CLIC5: variants seen among roughly 807,000 people sequenced by gnomAD.
CLIC5 encodes the protein chloride intracellular channel protein 5.
A neutral mutation model predicts 24.7 loss-of-function variants in CLIC5; 20 were observed. That is an observed-to-expected ratio of 0.81 (90% confidence interval 0.57 to 1.18). The LOEUF is 1.18. Among genes scored for constraint, CLIC5 ranks in the 50% most tolerant of loss-of-function variants. The pLI is 0.00. For missense variants in CLIC5, 341 were observed against 326.1 expected (o/e 1.05, Z -0.35); for synonymous variants, 159 against 135.6 (o/e 1.17, Z -1.20).
At chr6:45,881,979 TA>T (rs5875939) in intron 6 of CLIC5, among the ~76,000 whole-genome samples, 144,210 of 148,324 alleles carry the variant, frequency 0.97, 70,144 homozygotes, top group Non-Finnish European at 0.99. Flanking sequence ...AGACTTCCTT[TA>T]AAAAAAAAAA....
In CLIC5 at chr6:45,885,713, G is replaced by A. The variant is rs765202839; in HGVS notation, c.624-4525C>T. Among the ~76,000 whole-genome samples the A allele has an allele frequency of 9.9e-4, 151 of 152,224 alleles. 2 individuals carry two copies. The highest frequency in any genetic ancestry group is 5.9e-4 in the Admixed American group (9 of 15,292). On this transcript the variant is annotated intron_variant, in intron 6 of 6. Transcript: ENST00000644324. ...TGAAACAAAGTCGTAGAGACCTTGG[G>A]AGAAAGTGGCCCTCTCATTCTGGAG...
intron 1 of CLIC5, among the ~76,000 whole-genome samples, chr6:46,074,562 C>T (rs748960901): frequency 6.6e-5 from 10 of 152,190 alleles, no homozygotes; most frequent in Admixed American, 6.5e-4. Flanking sequence ...CAGTGCACAA[C>T]CTGTGCATCC....
At chr6:45,956,795 T>C (rs1764659552) in intron 1 of CLIC5, among the ~76,000 whole-genome samples, 1 of 152,200 alleles carries the variant, frequency 6.6e-6, no homozygotes, top group South Asian at 2.1e-4. Flanking sequence ...TCCTCAGTGC[T>C]GGAAGCAGAC....
intron 1 of CLIC5, among the ~76,000 whole-genome samples, chr6:45,990,911 C>T (rs1463958253): frequency 6.6e-6 from 1 of 152,176 alleles, no homozygotes; most frequent in Non-Finnish European, 1.5e-5. Flanking sequence ...GACTGGATCT[C>T]TGAAACTCAG....
chr6:46,068,492 G>A, intron 1 of CLIC5, among the ~76,000 whole-genome samples: 1 of 152,052 alleles, frequency 6.6e-6, no homozygotes, highest in East Asian at 1.9e-4. Flanking sequence ...ATATGAGAAT[G>A]GAGGCAGATC....
At chr6:46,055,227 T>C (rs1470929687) in intron 1 of CLIC5, among the ~76,000 whole-genome samples, 2 of 152,194 alleles carry the variant, frequency 1.3e-5, no homozygotes, top group African/African-American at 2.4e-5. Context: ...CTCAGCCTCC[T>C]GAGTAGCTGG....
chr6:46,048,004 A>C (rs1478728774), intron 1 of CLIC5, among the ~76,000 whole-genome samples: 4 of 110,240 alleles, frequency 3.6e-5, no homozygotes, highest in Non-Finnish European at 7.2e-5. Flanking sequence ...TTCCATATCT[A>C]CTTTTTTTTT....
chr6:45,937,898 C>T (rs1398680087), intron 4 of CLIC5, among the ~76,000 whole-genome samples: 1 of 152,058 alleles, frequency 6.6e-6, no homozygotes, highest in Non-Finnish European at 1.5e-5. Flanking sequence ...GGAGAGGTGA[C>T]CCACCATGGA....
chr6:46,006,278 G>T (rs1766578990), intron 1 of CLIC5, among the ~76,000 whole-genome samples: 1 of 151,000 alleles, frequency 6.6e-6, no homozygotes, highest in South Asian at 2.1e-4. Context: ...CTGAGTAGCT[G>T]GGATTACAGG....
chr6:45,911,836 C>T (rs1249347451), intron 5 of CLIC5: 3 of 985,420 alleles, frequency 3.0e-6, no homozygotes, highest in South Asian at 4.7e-5. Context: ...GACCTGTGCA[C>T]CCTGGGCCTT....
chr6:46,073,488 T>G (rs559205177), intron 1 of CLIC5, among the ~76,000 whole-genome samples: 1 of 152,360 alleles, frequency 6.6e-6, no homozygotes, highest in Admixed American at 6.5e-5. Context: ...ATATATGATA[T>G]ATTTATATCT....
At chr6:46,102,076 C>T in the CLIC5 span, among the ~76,000 whole-genome samples, 2 of 152,112 alleles carry the variant, frequency 1.3e-5, no homozygotes, top group Non-Finnish European at 2.9e-5. Flanking sequence ...CCTTGAGCCC[C>T]TGAAGTTTCA....
rs143151037 is a variant in CLIC5 at position 45,933,423 on chromosome 6, A to T, written c.406+8124T>A. Among the ~76,000 whole-genome samples the T allele has an allele frequency of 1.1e-3, 167 of 152,338 alleles. 1 individual carries two copies. Among genetic ancestry groups the T allele is most frequent in the African/African-American group, 3.5e-3 (146 of 41,572 alleles). ...AATTTGATTATTTTCAATGAAGGCA[A>T]TTTGTTAGGCATCTGATTTTCAGTT... On this transcript the variant is annotated intron_variant, in intron 4 of 5. Coordinates refer to ENST00000339561, the MANE Select transcript of CLIC5 (RefSeq NM_016929.5).
At chr6:46,119,023 T>C in the CLIC5 span, among the ~76,000 whole-genome samples, 7 of 152,320 alleles carry the variant, frequency 4.6e-5, no homozygotes, top group Middle Eastern at 3.4e-3. Flanking sequence ...GATAAGAGTA[T>C]GAGGCCACAA....
intron 4 of CLIC5, among the ~76,000 whole-genome samples, chr6:45,933,282 A>C (rs1763812493): frequency 6.6e-6 from 1 of 152,224 alleles, no homozygotes; most frequent in Non-Finnish European, 1.5e-5. Flanking sequence ...CCCTCTGGTA[A>C]CCACGTTTGA....
chr6:46,003,785 C>T (rs1294049371), intron 1 of CLIC5, among the ~76,000 whole-genome samples: 1 of 152,164 alleles, frequency 6.6e-6, no homozygotes, highest in African/African-American at 2.4e-5. Context: ...CTCTGATTCA[C>T]ACATTTGGGC....
intron 5 of CLIC5, among the ~76,000 whole-genome samples, chr6:45,911,349 C>A (rs921566529): frequency 6.6e-6 from 1 of 152,176 alleles, no homozygotes; most frequent in Non-Finnish European, 1.5e-5. Context: ...GTGATGAAGT[C>A]CGAGTCCTTT....
At chr6:45,972,260 TG>T (rs1444633063) in intron 1 of CLIC5, among the ~76,000 whole-genome samples, 1 of 152,206 alleles carries the variant, frequency 6.6e-6, no homozygotes, top group Non-Finnish European at 1.5e-5. Flanking sequence ...GCCTCAAAGC[TG>T]TCTCCATCCC....
chr6:45,908,559 A>G (rs1177499335), intron 5 of CLIC5, among the ~76,000 whole-genome samples: 1 of 151,986 alleles, frequency 6.6e-6, no homozygotes, highest in Non-Finnish European at 1.5e-5. Context: ...TGAGTTGTTT[A>G]ATTTCATGTA....
Sources: gnomAD v4.1 joint callset for allele counts (sites outside exome capture counted in the v4.1 genomes callset) on GRCh38, gnomAD v4.1.1 for gene constraint, MANE v1.5 for transcripts, NCBI Gene and HGNC (gene_info 2026-07-23, HGNC 2026-07-21) for gene names.